The following ADGRL3 variants were observed in gnomAD, a reference collection of about 807,000 sequenced individuals.
ADGRL3 encodes calcium-independent alpha-latrotoxin receptor 3.
ADGRL3 carries 62 observed loss-of-function variants against 153.5 expected under a neutral mutation model. That is an observed-to-expected ratio of 0.40 (90% CI 0.33 to 0.50). The LOEUF (loss-of-function observed/expected upper bound fraction) is 0.50, where lower values mean the gene tolerates loss of function less well. ADGRL3 is among the 20% of genes least tolerant of loss of function. The pLI is 0.47. For missense variants in ADGRL3, 1,641 were observed against 1,859.4 expected (o/e 0.88, Z 2.16); for synonymous variants, 710 against 672.5 (o/e 1.06, Z -0.86).
chr4:62,031,856 A>C (rs1307535491), intron 23 of ADGRL3, among the ~76,000 whole-genome samples: 1 of 151,514 alleles, frequency 6.6e-6, no homozygotes, highest in Non-Finnish European at 1.5e-5. Context: ...ATTTTCTTAT[A>C]GATTTGACTT....
chr4:62,065,823 C>T (rs1742682009), intron 25 of ADGRL3, among the ~76,000 whole-genome samples: 1 of 151,846 alleles, frequency 6.6e-6, no homozygotes, highest in Non-Finnish European at 1.5e-5. Flanking sequence ...TGGAATACTT[C>T]TATAAAAACT....
chr4:62,003,111 C>A (rs200163871), intron 21 of ADGRL3, among the ~76,000 whole-genome samples: 1 of 152,064 alleles, frequency 6.6e-6, no homozygotes, highest in African/African-American at 2.4e-5. Flanking sequence ...CATTTTAAGA[C>A]GTAGAAAAGA....
rs141469587 is a variant in ADGRL3, at chr4:61,534,185, G to T, written c.259+16667G>T. Among the ~76,000 whole-genome samples the T allele has an allele frequency of 2.6e-3, 390 of 152,160 alleles. 4 individuals are homozygous for T. Among genetic ancestry groups the T allele is most frequent in the African/African-American group, 8.9e-3 (371 of 41,542 alleles). ...ATATGGCTAGCCAGCTTTCCCAGCA[G>T]CATTTATTGCATAAGGTGTCCTTTC... On this transcript the variant is annotated intron_variant, in intron 4 of 26. Transcript: ENST00000683033.
rs1038950878 is a variant in ADGRL3, at chr4:61,282,923, A to G, written c.-240+81158A>G. On this transcript the variant is annotated intron_variant, in intron 1 of 26. Transcript: ENST00000683033. ...TTAATATTTTGTTCATTGTTACCTG[A>G]CAGACCCAGAGTTTTTGTTATCCAT... Among the ~76,000 whole-genome samples, 3 of 152,086 alleles carry G rather than the reference A, an allele frequency of 2.0e-5. No homozygotes were observed. The South Asian group carries it at 6.2e-4, about 31-fold the overall frequency.
intron 9 of ADGRL3, among the ~76,000 whole-genome samples, chr4:61,889,032 T>C (rs1181492279): frequency 6.6e-6 from 1 of 152,198 alleles, no homozygotes; most frequent in Non-Finnish European, 1.5e-5. Context: ...TCTTATTTTG[T>C]GATGCTTCTC....
intron 8 of ADGRL3, among the ~76,000 whole-genome samples, chr4:61,802,066 C>A (rs2097504797): frequency 6.6e-6 from 1 of 151,992 alleles, no homozygotes; most frequent in East Asian, 1.9e-4. Flanking sequence ...ATATGCTAGC[C>A]CTCTGAATAT....
At chr4:61,646,621 G>T (rs1260263604) in intron 5 of ADGRL3, among the ~76,000 whole-genome samples, 1 of 151,920 alleles carries the variant, frequency 6.6e-6, no homozygotes, top group South Asian at 2.1e-4. Context: ...ACTTGAGGAG[G>T]CAGTCTGCCC....
chr4:61,688,017 T>G (rs1442182781), intron 6 of ADGRL3, among the ~76,000 whole-genome samples: 1 of 152,012 alleles, frequency 6.6e-6, no homozygotes, highest in Middle Eastern at 3.2e-3. Context: ...AACATACGGT[T>G]TTCTCATCAT....
rs544172738 is a variant in ADGRL3 at position 62,006,378 on chromosome 4, G to T, written c.3395+8113G>T. Among the ~76,000 whole-genome samples the T allele has an allele frequency of 7.3e-4, 111 of 151,974 alleles. 1 individual carries two copies. Among genetic ancestry groups the T allele is most frequent in the Non-Finnish European group, 1.5e-4 (10 of 67,972 alleles). On this transcript the variant is annotated intron_variant, in intron 21 of 26. Coordinates refer to ENST00000683033, the MANE Select transcript of ADGRL3 (RefSeq NM_001387552.1). ...AGTGGAGTGTGACTCCAGGGTTTTT[G>T]GCTTGGGGTACTAGAACAGTGAGTG...
At chr4:61,787,219 A>G (rs1371142860) in intron 8 of ADGRL3, among the ~76,000 whole-genome samples, 3 of 152,150 alleles carry the variant, frequency 2.0e-5, no homozygotes, top group African/African-American at 7.2e-5. Flanking sequence ...GTCACATAAG[A>G]TGAATTATTG....
At chr4:61,425,027 C>T (rs781381825) in intron 2 of ADGRL3, among the ~76,000 whole-genome samples, 9 of 152,096 alleles carry the variant, frequency 5.9e-5, no homozygotes, top group Non-Finnish European at 1.2e-4. Flanking sequence ...CTCCACAGAC[C>T]CATAAACTCC....
chr4:61,391,303 G>C (rs187096475), intron 2 of ADGRL3, among the ~76,000 whole-genome samples: 168 of 152,062 alleles, frequency 1.1e-3, no homozygotes, highest in African/African-American at 3.9e-3. Context: ...AGACACAGGT[G>C]GGGGTGGTGC....
At chr4:61,750,587 C>T (rs984449505) in intron 8 of ADGRL3, among the ~76,000 whole-genome samples, 25 of 151,882 alleles carry the variant, frequency 1.6e-4, no homozygotes, top group African/African-American at 5.8e-4. Flanking sequence ...GTCAGGAGAT[C>T]GAGACCATCC....
At chr4:61,882,601 A>G (rs10006058) in intron 9 of ADGRL3, among the ~76,000 whole-genome samples, 6,030 of 152,012 alleles carry the variant, frequency 0.04, 173 homozygotes, top group Non-Finnish European at 0.06. Context: ...CAACACCCAT[A>G]TGCTGTAGCC....
At chr4:61,436,001 T>C (rs759810677) in intron 2 of ADGRL3, among the ~76,000 whole-genome samples, 3 of 152,138 alleles carry the variant, frequency 2.0e-5, no homozygotes, top group Non-Finnish European at 4.4e-5. Context: ...ATGTCAAATA[T>C]TTCCAAGTAT....
chr4:61,949,322 C>T (rs1192465797), intron 17 of ADGRL3, among the ~76,000 whole-genome samples: 1 of 152,140 alleles, frequency 6.6e-6, no homozygotes, highest in Non-Finnish European at 1.5e-5. Flanking sequence ...AATTTTTGAA[C>T]TTTCAAACAA....
chr4:61,453,188 A>AT (rs1387538807), intron 2 of ADGRL3, among the ~76,000 whole-genome samples: 1 of 152,100 alleles, frequency 6.6e-6, no homozygotes, highest in Non-Finnish European at 1.5e-5. Flanking sequence ...ACTGAACTTT[A>AT]TTTTTTAGGC....
At chr4:61,798,292 T>C (rs1488090157) in intron 8 of ADGRL3, among the ~76,000 whole-genome samples, 1 of 152,194 alleles carries the variant, frequency 6.6e-6, no homozygotes, top group African/African-American at 2.4e-5. Context: ...AGTCCCCTAG[T>C]ATGTGACTAT....
At chr4:61,830,554 C>A (rs183904409) in intron 9 of ADGRL3, among the ~76,000 whole-genome samples, 2 of 152,130 alleles carry the variant, frequency 1.3e-5, no homozygotes, top group Non-Finnish European at 2.9e-5. Context: ...TGAAAAGATT[C>A]TTTCAGAGAT....
Sources: allele counts gnomAD v4.1 joint callset (sites outside exome capture counted in the v4.1 genomes callset), GRCh38; gene constraint gnomAD v4.1.1; transcripts MANE v1.5; gene names NCBI Gene and HGNC (gene_info 2026-07-23, HGNC 2026-07-21).